Variants in H1-1 observed in about 807,000 individuals in gnomAD.
H1-1 encodes H1.1 linker histone, cluster member.
Under a neutral mutation model 0.8 loss-of-function variants are expected in H1-1, and 2 were observed. The observed-to-expected ratio is 2.64, with a 90% CI of 1.08 to 8.30. The LOEUF is 8.30. H1-1 is among the 30% of genes most tolerant of loss of function. H1-1 has a pLI of 0.04. For missense variants in H1-1, 516 were observed against 262.6 expected (o/e 1.97, Z -6.67); for synonymous variants, 211 against 108.2 (o/e 1.95, Z -5.89).
Position 26,017,451 on chromosome 6 carries a change from T to C in H1-1, c.282A>G (p.Gly94=), listed in dbSNP as rs1257010547. 5 of 1,613,884 alleles carry C rather than the reference T, an allele frequency of 3.1e-6. No homozygotes were observed. Among genetic ancestry groups the C allele is most frequent in the African/African-American group, 2.7e-5 (2 of 74,896 alleles). Residue 94 remains glycine (G), a synonymous_variant, in exon 1 of 1, where the codon GGA becomes GGG. Coordinates refer to ENST00000244573, the MANE Select transcript of H1-1 (RefSeq NM_005325.4). The part of the protein sequence containing the change: ...KLGIKSLVSK[G]TLVQTKGTGA... Reference sequence around the variant, plus strand: ...CGGTACCCTTTGTCTGCACCAACGTTCCCTTGCTTACCAGGCTCTTAATGC... The same window carrying C: ...CGGTACCCTTTGTCTGCACCAACGTCCCCTTGCTTACCAGGCTCTTAATGC...
chr6:26,017,496 G>GT lies in H1-1; in HGVS notation c.236dup (p.Asn79LysfsTer6). The GT allele has an allele frequency of 6.2e-7, 1 of 1,614,102 alleles. No homozygotes were observed. Among genetic ancestry groups the GT allele is most frequent in the Non-Finnish European group, 8.5e-7 (1 of 1,180,030 alleles). ...TAATGCCCAGCTTAATGCGGCTGTT[G>GT]TTCTTCTCCACGTCGTAGCCTGCGG... On this transcript the variant is annotated frameshift_variant, in exon 1 of 1. Transcript: ENST00000244573. LOFTEE classifies it low-confidence loss of function (END_TRUNC).
Position 26,017,153 on chromosome 6 carries a change from C to T in H1-1, c.580G>A (p.Ala194Thr). ...GGCTTCGTCACCCTAGCCTTGGCCG[C>T]CTTGGGTTTTACAGCCTTAGCTTTA... The part of the protein sequence containing the change: ...PAKAKAVKPK[A>T]AKARVTKPKT... The change falls in exon 1 of 1, where the codon GCG (alanine) becomes ACG (threonine). Residue 194 changes from alanine (A) to threonine (T), a missense_variant. Coordinates refer to ENST00000244573, the MANE Select transcript of H1-1 (RefSeq NM_005325.4). 1 of 1,612,998 alleles carries T rather than the reference C, an allele frequency of 6.2e-7. No homozygotes were observed. Among genetic ancestry groups the T allele is most frequent in the Non-Finnish European group, 8.5e-7 (1 of 1,179,772 alleles).
Position 26,017,770 on chromosome 6 carries a change from C to T in H1-1, c.-38G>A, listed in dbSNP as rs751115728. 26 of 1,570,362 alleles carry T rather than the reference C, an allele frequency of 1.7e-5. No individual in the cohort carries two copies. The highest frequency in any genetic ancestry group is 3.4e-5 in the South Asian group (3 of 87,400). On this transcript the variant is annotated 5_prime_UTR_variant, in exon 1 of 1. Transcript: ENST00000244573. The stretch of plus-strand genomic sequence containing the variant: ...AGCACACCAAATAAAGTGGTATAAA[C>T]CTGACGAAGCAGGATGCGAAAAAAA...
Position 26,017,783 on chromosome 6 carries a change from G to C in H1-1, c.-51C>G. The C allele has an allele frequency of 6.5e-7, 1 of 1,542,394 alleles. No homozygotes were observed. The highest frequency in any genetic ancestry group is 1.4e-5 in the African/African-American group (1 of 72,490). On this transcript the variant is annotated 5_prime_UTR_variant, in exon 1 of 1. In the 5' UTR this introduces an upstream ATG that the reference lacks. Coordinates refer to ENST00000244573, the MANE Select transcript of H1-1 (RefSeq NM_005325.4). ...AAGTGGTATAAACCTGACGAAGCAG[G>C]ATGCGAAAAAAAGGCCCCAACGCAG... is the stretch of plus-strand genomic sequence containing the variant.
Position 26,017,046 on chromosome 6 carries a change from A to G in H1-1, c.*39T>C, listed in dbSNP as rs560371177. ...CCTGAAATGCGTAGGTGGCTCTTAA[A>G]AGAGCCGTTGGGTTACTAGAAGAAA... On this transcript the variant is annotated 3_prime_UTR_variant, in exon 1 of 1. Coordinates refer to ENST00000244573, the MANE Select transcript of H1-1 (RefSeq NM_005325.4). The G allele has an allele frequency of 3.2e-5, 50 of 1,543,522 alleles. No homozygotes were observed. The highest frequency in any genetic ancestry group is 3.6e-5 in the Non-Finnish European group (41 of 1,153,098).
chr6:26,017,283 G>A lies in H1-1; in HGVS notation c.450C>T (p.Val150=). ...GCTTTTTAGCCTTTTTCGGAGTCTT[G>A]ACGCTCTTTTTGCTAGCCCCCGTGG... ...KKATGASKKS[V]KTPKKAKKPA... is the part of the protein sequence containing the mutation. Residue 150 remains valine, a synonymous_variant, in exon 1 of 1, where the codon GTC becomes GTT. Coordinates refer to ENST00000244573, the MANE Select transcript of H1-1 (RefSeq NM_005325.4). The A allele has an allele frequency of 6.2e-7, 1 of 1,613,944 alleles. No individual in the cohort carries two copies. Among genetic ancestry groups the A allele is most frequent in the Non-Finnish European group, 8.5e-7 (1 of 1,179,960 alleles).
rs540194494 is a variant in H1-1 at position 26,017,564 on chromosome 6, G to A, written c.169C>T (p.Arg57Cys). Residue 57 changes from arginine to cysteine, a missense_variant, in exon 1 of 1, where the codon CGT (arginine) becomes TGT (cysteine). Physicochemically the swap from Arg to Cys is radical, Grantham distance 180. Transcript: ENST00000244573. ...IVQAASSSKE[R>C]GGVSLAALKK... The stretch of plus-strand genomic sequence containing the variant: ...AGAGCTGCCAACGACACACCACCAC[G>A]CTCCTTAGAGGAGGAAGCAGCCTGC... The A allele has an allele frequency of 8.7e-6, 14 of 1,614,160 alleles. No homozygotes were observed. Among genetic ancestry groups the A allele is most frequent in the South Asian group, 7.7e-5 (7 of 91,084 alleles).
Position 26,017,289 on chromosome 6 carries a change from C to G in H1-1, c.444G>C (p.Lys148Asn). Reference protein sequence around the residue: ...KLKKATGASKKSVKTPKKAKK... With the variant: ...KLKKATGASKNSVKTPKKAKK... ...TAGCCTTTTTCGGAGTCTTGACGCT[C>G]TTTTTGCTAGCCCCCGTGGCCTTTT... Residue 148 changes from lysine to asparagine, a missense_variant, in exon 1 of 1, where the codon AAG becomes AAC. By Grantham distance (94) the Lys-to-Asn change is moderately conservative. Transcript: ENST00000244573. 1 of 1,614,014 alleles carries G rather than the reference C, an allele frequency of 6.2e-7. No individual in the cohort carries two copies. The highest frequency in any genetic ancestry group is 8.5e-7 in the Non-Finnish European group (1 of 1,179,990).
rs34041416 is a variant in H1-1 at position 26,017,235 on chromosome 6, G to A, written c.498C>T (p.Ser166=). 9.4e-4 allele frequency: 1,523 copies of A among 1,613,984 alleles called. 11 individuals carry two copies. In the African/African-American group the frequency reaches 0.015, roughly 16 times the overall value. Residue 166 remains serine, a synonymous_variant, in exon 1 of 1, where the codon TCC becomes TCT. Coordinates refer to ENST00000244573, the MANE Select transcript of H1-1 (RefSeq NM_005325.4). ...CAGTTTTGGGTTTTTTTGGATTCTT[G>A]GAGGATTTCCTTGTTGCCGCAGGCT... ...AKKPAATRKS[S]KNPKKPKTVK...
rs762712997 is a variant in H1-1, at chr6:26,017,220, T to A, written c.513A>T (p.Lys171Asn). 2 of 1,613,848 alleles carry A rather than the reference T, an allele frequency of 1.2e-6. No homozygotes were observed. Among genetic ancestry groups the A allele is most frequent in the East Asian group, 2.2e-5 (1 of 44,886 alleles). ...CTTTCTTGGGCTTTACAGTTTTGGG[T>A]TTTTTTGGATTCTTGGAGGATTTCC... ...ATRKSSKNPK[K>N]PKTVKPKKVA... Residue 171 changes from lysine to asparagine, a missense_variant, in exon 1 of 1, where the codon AAA becomes AAT. By Grantham distance (94) the Lys-to-Asn change is moderately conservative (BLOSUM62 0). Coordinates refer to ENST00000244573, the MANE Select transcript of H1-1 (RefSeq NM_005325.4).
rs1239939512 is a variant in H1-1, at chr6:26,017,048, G to A, written c.*37C>T. ...TGAAATGCGTAGGTGGCTCTTAAAA[G>A]AGCCGTTGGGTTACTAGAAGAAACT... On this transcript the variant is annotated 3_prime_UTR_variant, in exon 1 of 1. Transcript: ENST00000244573. 2.6e-6 allele frequency: 4 copies of A among 1,544,862 alleles called. No homozygotes were observed. Among genetic ancestry groups the A allele is most frequent in the Non-Finnish European group, 2.6e-6 (3 of 1,153,632 alleles).
At position 26,017,044 on chromosome 6, in the gene H1-1, A is replaced by C. The variant is rs1436703997; in HGVS notation, c.*41T>G. On this transcript the variant is annotated 3_prime_UTR_variant, in exon 1 of 1. Coordinates refer to ENST00000244573, the MANE Select transcript of H1-1 (RefSeq NM_005325.4). ...TTCCTGAAATGCGTAGGTGGCTCTT[A>C]AAAGAGCCGTTGGGTTACTAGAAGA... 8 of 1,535,778 alleles carry C rather than the reference A, an allele frequency of 5.2e-6. No homozygotes were observed. In the South Asian group the frequency reaches 1.0e-4, roughly 20 times the overall value.
Position 26,017,123 on chromosome 6 carries a change from T to C in H1-1, c.610A>G (p.Thr204Ala). 1.3e-6 allele frequency: 2 copies of C among 1,597,388 alleles called. No individual in the cohort carries two copies. The highest frequency in any genetic ancestry group is 1.7e-6 in the Non-Finnish European group (2 of 1,175,582). ...GGTGCCGCTTTCTTGGGTTTGGCAG[T>C]CTTTGGCTTCGTCACCCTAGCCTTG... ...AAKARVTKPK[T>A]AKPKKAAPKK... The change falls in exon 1 of 1, where the codon ACT (threonine) becomes GCT (alanine). Residue 204 changes from threonine to alanine, a missense_variant. Transcript: ENST00000244573.
chr6:26,017,491 CTGT>C lies in H1-1; in HGVS notation c.239_241del (p.Asn80del), dbSNP rs749902955. ...GCTCTTAATGCCCAGCTTAATGCGG[CTGT>C]TGTTCTTCTCCACGTCGTAGCCTGC... On this transcript the variant is annotated inframe_deletion, in exon 1 of 1. Coordinates refer to ENST00000244573, the MANE Select transcript of H1-1 (RefSeq NM_005325.4). 71 of 1,614,166 alleles carry C rather than the reference CTGT, an allele frequency of 4.4e-5. No individual in the cohort carries two copies. Among genetic ancestry groups the C allele is most frequent in the East Asian group, 6.7e-5 (3 of 44,862 alleles).
rs199610755 is a variant in H1-1 at position 26,017,712 on chromosome 6, G to A, written c.21C>T (p.Pro7=). MSETVP[P]APAASAAPEK... ...CAGGAGCAGCAGAAGCGGCGGGGGC[G>A]GGAGGCACTGTTTCAGACATGGTGA... Residue 7 remains proline (P), a synonymous_variant, in exon 1 of 1, where the codon CCC becomes CCT. Transcript: ENST00000244573. 1.4e-5 allele frequency: 23 copies of A among 1,613,172 alleles called. No individual in the cohort carries two copies. The highest frequency in any genetic ancestry group is 4.5e-5 in the East Asian group (2 of 44,882).
At position 26,017,510 on chromosome 6, in the gene H1-1, C is replaced by T. The variant is rs1761146671; in HGVS notation, c.223G>A (p.Asp75Asn). The T allele has an allele frequency of 1.2e-6, 2 of 1,614,010 alleles. No individual in the cohort carries two copies. Among genetic ancestry groups the T allele is most frequent in the African/African-American group, 1.3e-5 (1 of 74,902 alleles). ...LKKALAAAGY[D>N]VEKNNSRIKL... ...ATGCGGCTGTTGTTCTTCTCCACGT[C>T]GTAGCCTGCGGCCGCCAGCGCCTTT... Residue 75 changes from aspartate to asparagine, a missense_variant, in exon 1 of 1, where the codon GAC (aspartate) becomes AAC (asparagine). Transcript: ENST00000244573.
In H1-1 at chr6:26,017,224, T is replaced by G; in HGVS notation, c.509A>C (p.Lys170Thr). 6.2e-7 allele frequency: 1 copy of G among 1,614,196 alleles called. No homozygotes were observed. The highest frequency in any genetic ancestry group is 8.5e-7 in the Non-Finnish European group (1 of 1,180,044). ...AATRKSSKNP[K>T]KPKTVKPKKV... The stretch of plus-strand genomic sequence containing the variant: ...CTTGGGCTTTACAGTTTTGGGTTTT[T>G]TTGGATTCTTGGAGGATTTCCTTGT... Residue 170 changes from lysine to threonine, a missense_variant, in exon 1 of 1, where the codon AAA becomes ACA. Transcript: ENST00000244573.
rs900112769 is a variant in H1-1 at position 26,017,396 on chromosome 6, T to G, written c.337A>C (p.Lys113Gln). Residue 113 changes from lysine (K) to glutamine (Q), a missense_variant, in exon 1 of 1, where the codon AAG (lysine) becomes CAG (glutamine). Lys to Gln is a moderately conservative substitution (Grantham distance 53). Coordinates refer to ENST00000244573, the MANE Select transcript of H1-1 (RefSeq NM_005325.4). ...GGCTTGGTTTCCACGGAGGACGCCT[T>G]CTTGTTGAGCTTGAAGGAACCCGAG... ...GASGSFKLNK[K>Q]ASSVETKPGA... 3 of 1,613,940 alleles carry G rather than the reference T, an allele frequency of 1.9e-6. No homozygotes were observed. The African/African-American group carries it at 4.0e-5, about 22-fold the overall frequency.
chr6:26,017,207 T>C lies in H1-1; in HGVS notation c.526A>G (p.Lys176Glu). The C allele has an allele frequency of 6.2e-7, 1 of 1,614,138 alleles. No homozygotes were observed. The highest frequency in any genetic ancestry group is 8.5e-7 in the Non-Finnish European group (1 of 1,180,034). ...GGGCTTTTAGCTACTTTCTTGGGCT[T>C]TACAGTTTTGGGTTTTTTTGGATTC... ...SKNPKKPKTV[K>E]PKKVAKSPAK... The change falls in exon 1 of 1, where the codon AAG (lysine) becomes GAG (glutamate). Residue 176 changes from lysine (K) to glutamate (E), a missense_variant. By Grantham distance (56) the Lys-to-Glu change is moderately conservative. Transcript: ENST00000244573.
Sources: allele counts gnomAD v4.1 joint callset, GRCh38; gene constraint gnomAD v4.1.1; transcripts MANE v1.5; gene names NCBI Gene and HGNC (gene_info 2026-07-23, HGNC 2026-07-21).